The following DMD variants were observed in gnomAD, a reference collection of about 807,000 sequenced individuals.
DMD encodes mutant dystrophin.
DMD carries 63 observed loss-of-function variants against 330.1 expected under a neutral mutation model. The observed-to-expected ratio is 0.19, with a 90% confidence interval of 0.16 to 0.24. DMD has a LOEUF of 0.24. Ranked by LOEUF, DMD falls within the 10% of genes least tolerant of loss-of-function variation. The pLI is 1.00. For synonymous variants in DMD, 1,223 were observed against 959.8 expected, an observed-to-expected ratio of 1.27 and a Z score of -5.07; for missense variants, 3,344 against 2,684.1, an observed-to-expected ratio of 1.25 and a Z score of -5.43.
intron 29 of DMD, among the ~76,000 whole-genome samples, chrX:32,419,104 T>C (rs2098178899): frequency 9.1e-6 from 1 of 109,726 alleles, no homozygotes; most frequent in South Asian, 3.8e-4. Context: ...TGTTAAGTAA[T>C]AGATCCTTTA....
At chrX:33,028,747 A>G (rs1488434343) in intron 1 of DMD, among the ~76,000 whole-genome samples, 1 of 103,493 alleles carries the variant, frequency 9.7e-6, no homozygotes, top group Non-Finnish European at 2.0e-5. Flanking sequence ...CTAATTATGC[A>G]TATGTGTTAC....
chrX:32,133,511 T>G (rs1329652251), intron 44 of DMD, among the ~76,000 whole-genome samples: 2 of 111,915 alleles, frequency 1.8e-5, no homozygotes, highest in Admixed American at 1.9e-4. Flanking sequence ...CTAAAGGTAT[T>G]TATTCAATTG....
intron 16 of DMD, among the ~76,000 whole-genome samples, chrX:32,559,709 A>G (rs1235934906): frequency 8.9e-6 from 1 of 111,930 alleles, no homozygotes; most frequent in Non-Finnish European, 1.9e-5. Context: ...ATCTTGGTAC[A>G]TTGGCATATT....
rs878920392 is a variant in DMD, at chrX:32,346,141, C to G, written c.5449-61G>C. The G allele has an allele frequency of 5.1e-5, 57 of 1,122,873 alleles. No homozygotes were observed. The South Asian group carries it at 9.3e-4, about 18-fold the overall frequency. The allele number at this position is 1,122,873 out of a possible 1,213,427, so 92.5% of individuals were successfully genotyped here. On this transcript the variant is annotated intron_variant, in intron 38 of 78. Coordinates refer to ENST00000357033, the MANE Select transcript of DMD (RefSeq NM_004006.3). The stretch of plus-strand genomic sequence containing the variant: ...TTTTTAAAAAGCTGTACATTGTTAA[C>G]AGAGATAATAAGACATGTTATTTAA...
chrX:32,976,248 C>A (rs1438545698), intron 2 of DMD, among the ~76,000 whole-genome samples: 1 of 109,408 alleles, frequency 9.1e-6, no homozygotes, highest in Non-Finnish European at 1.9e-5. Flanking sequence ...CCCTCACTTG[C>A]AGTTCCTCTC....
At chrX:32,143,141 C>T (rs749195753) in intron 44 of DMD, among the ~76,000 whole-genome samples, 2 of 109,880 alleles carry the variant, frequency 1.8e-5, no homozygotes, top group Non-Finnish European at 3.8e-5. Context: ...TCCTCAGCAC[C>T]CACCACAAGG....
At chrX:32,692,498 G>A (rs746326853) in intron 9 of DMD, among the ~76,000 whole-genome samples, 13 of 111,582 alleles carry the variant, frequency 1.2e-4, no homozygotes, top group African/African-American at 4.2e-4. Context: ...CCAGGAGGGG[G>A]CAAAGGCAGA....
intron 61 of DMD, among the ~76,000 whole-genome samples, chrX:31,343,666 AG>A: frequency 9.1e-6 from 1 of 109,882 alleles, no homozygotes; most frequent in Admixed American, 9.8e-5. Context: ...ACAGAGAGAG[AG>A]AGAGAATAAG....
At chrX:32,476,501 GA>G (rs1174286852) in intron 21 of DMD, among the ~76,000 whole-genome samples, 1 of 108,575 alleles carries the variant, frequency 9.2e-6, no homozygotes, top group Non-Finnish European at 1.9e-5. Context: ...AGGCAAGCTG[GA>G]AAAAAAAATA....
intron 64 of DMD, among the ~76,000 whole-genome samples, chrX:31,213,158 A>G (rs1187676111): frequency 8.9e-6 from 1 of 112,496 alleles, no homozygotes; most frequent in Non-Finnish European, 1.9e-5. Flanking sequence ...AAGTCAATGC[A>G]CTTTGATGTA....
intron 60 of DMD, among the ~76,000 whole-genome samples, chrX:31,358,141 C>T (rs1416601486): frequency 9.2e-6 from 1 of 108,827 alleles, no homozygotes; most frequent in Non-Finnish European, 1.9e-5. Flanking sequence ...CTCACCCCAC[C>T]CCCAAGGCTG....
rs331335 is a variant in DMD at position 32,287,851 on chromosome X, A to G, written c.6118-150T>C. ...TTTAAAGTTAATAACCATGAAGTCCAGTGACTTTGACATGTTCAAATTCAA... is the reference window on the plus strand; with the variant it reads ...TTTAAAGTTAATAACCATGAAGTCCGGTGACTTTGACATGTTCAAATTCAA... On this transcript the variant is annotated intron_variant, in intron 42 of 78. Coordinates refer to ENST00000357033, the MANE Select transcript of DMD (RefSeq NM_004006.3). 166,557 of 395,565 alleles carry G rather than the reference A, an allele frequency of 0.42. 25,819 individuals are homozygous for G. Among genetic ancestry groups the G allele is most frequent in the Middle Eastern group, 0.49 (702 of 1,445 alleles). The allele number at this position is 395,565 out of a possible 1,213,427, so 32.6% of individuals were successfully genotyped here. A position where few individuals can be genotyped will look rare whatever the true frequency, so the allele number is the denominator to read the frequency against.
chrX:32,639,951 G>A (rs1275666117), intron 11 of DMD, among the ~76,000 whole-genome samples: 2 of 110,375 alleles, frequency 1.8e-5, no homozygotes, highest in African/African-American at 3.3e-5. Flanking sequence ...TGTAATACTA[G>A]TACTTTGGGA....
chrX:32,634,979 C>G (rs903032591), intron 11 of DMD, among the ~76,000 whole-genome samples: 1 of 111,976 alleles, frequency 8.9e-6, no homozygotes, highest in Non-Finnish European at 1.9e-5. Context: ...ACAGAGCACT[C>G]TAATCCATGA....
chrX:32,471,210 G>A (rs1462026772), intron 22 of DMD, among the ~76,000 whole-genome samples: 5 of 111,593 alleles, frequency 4.5e-5, no homozygotes, highest in East Asian at 2.8e-4. Context: ...CCCGGGAGGC[G>A]TAGGTTGCAG....
intron 30 of DMD, among the ~76,000 whole-genome samples, chrX:32,394,530 A>G (rs1391355917): frequency 1.8e-5 from 2 of 112,158 alleles, no homozygotes; most frequent in Non-Finnish European, 3.8e-5. Context: ...GTGACAGTAT[A>G]TGTAAAAATA....
intron 2 of DMD, among the ~76,000 whole-genome samples, chrX:32,861,815 G>T (rs1288721535): frequency 9.0e-6 from 1 of 111,597 alleles, no homozygotes; most frequent in Non-Finnish European, 1.9e-5. Flanking sequence ...GACAAAAGTG[G>T]AGAGTAGGGC....
At chrX:32,671,982 GACAGA>G (rs1470992017) in intron 9 of DMD, among the ~76,000 whole-genome samples, 1 of 111,227 alleles carries the variant, frequency 9.0e-6, no homozygotes, top group Non-Finnish European at 1.9e-5. Flanking sequence ...AATGAAAAAT[GACAGA>G]AAAGAAAAAT....
At chrX:31,308,112 T>C (rs1161605193) in intron 62 of DMD, among the ~76,000 whole-genome samples, 1 of 111,786 alleles carries the variant, frequency 8.9e-6, no homozygotes, top group Non-Finnish European at 1.9e-5. Flanking sequence ...GGCAGTAATG[T>C]TCACTTGCTC....
Sources: gnomAD v4.1 joint callset for allele counts (sites outside exome capture counted in the v4.1 genomes callset) on GRCh38, gnomAD v4.1.1 for gene constraint, MANE v1.5 for transcripts, NCBI Gene and HGNC (gene_info 2026-07-23, HGNC 2026-07-21) for gene names.